The following RUFY2 variants were observed in gnomAD, a reference collection of about 807,000 sequenced individuals.
RUFY2 encodes the protein RUN and FYVE domain containing 2.
In RUFY2, 49 loss-of-function variants were observed where a neutral mutation model predicts 94.4. The ratio of observed to expected loss-of-function variants is 0.52; its 90% CI spans 0.41 to 0.66. The LOEUF is 0.66. Ranked by LOEUF, RUFY2 falls within the 30% of genes least tolerant of loss-of-function variation. RUFY2 has a pLI of 0.00. For synonymous variants in RUFY2, 255 were observed against 235.7 expected (o/e 1.08, Z -0.75); for missense variants, 541 against 692.8 (o/e 0.78, Z 2.46).
intron 7 of RUFY2, among the ~76,000 whole-genome samples, chr10:68,387,099 G>A (rs1356646091): frequency 2.0e-5 from 3 of 151,986 alleles, no homozygotes; most frequent in East Asian, 1.9e-4. Context: ...GCTCACACCT[G>A]TAATCCCGGC....
Position 68,358,964 on chromosome 10 carries a change from G to T in RUFY2, c.1551-3563C>A, listed in dbSNP as rs184564519. Among the ~76,000 whole-genome samples, 39 of 152,258 alleles carry T rather than the reference G, an allele frequency of 2.6e-4. 1 individual carries two copies. The East Asian group carries it at 2.7e-3, about 11-fold the overall frequency. On this transcript the variant is annotated intron_variant, in intron 15 of 17. Transcript: ENST00000602465. ...AATTTACTGGTATTGATAGATTTTTGATTTAAATGCTCTTATTCATAAATA... is the reference window on the plus strand; with the variant it reads ...AATTTACTGGTATTGATAGATTTTTTATTTAAATGCTCTTATTCATAAATA...
intron 1 of RUFY2, 162 bp downstream of exon 1, chr10:68,407,024 G>C: frequency 6.7e-7 from 1 of 1,487,234 alleles, no homozygotes. Flanking sequence ...GACGACCCCG[G>C]GAGCCCCCGA....
intron 13 of RUFY2, among the ~76,000 whole-genome samples, chr10:68,369,319 T>C (rs1179221467): frequency 6.6e-6 from 1 of 151,764 alleles, no homozygotes; most frequent in East Asian, 1.9e-4. Context: ...ACCTCATCTC[T>C]ACAAAAAATA....
chr10:68,346,010 T>C lies in RUFY2; in HGVS notation c.1674A>G (p.Arg558=), dbSNP rs201305394. The C allele has an allele frequency of 2.4e-5, 38 of 1,613,604 alleles. No homozygotes were observed. The East Asian group carries it at 8.0e-4, about 34-fold the overall frequency. ...ACTCACTTCTTATCTCCCTTACCTT[T>C]CTCTTAGAGAGTGAGAATTCCTTTT... The part of the protein sequence containing the change: ...LCEKEFSLSK[R]KHHCRNCGEI... Residue 558 remains arginine, a synonymous_variant, in exon 17 of 18, where the codon AGA becomes AGG. Coordinates refer to ENST00000602465, the MANE Select transcript of RUFY2 (RefSeq NM_001330103.2).
chr10:68,393,320 T>TA (rs1337095448), intron 6 of RUFY2, 117 bp from the exon 7 acceptor site: 1 of 550,812 alleles, frequency 1.8e-6, no homozygotes, highest in African/African-American at 1.9e-5. Flanking sequence ...GTCTTGCCTT[T>TA]AAAATAAAAC....
intron 13 of RUFY2, among the ~76,000 whole-genome samples, chr10:68,370,127 T>G (rs2048154651): frequency 6.6e-6 from 1 of 151,682 alleles, no homozygotes; most frequent in Non-Finnish European, 1.5e-5. Context: ...CTACAAAAAA[T>G]ACAAAAAATT....
At chr10:68,355,925 A>AC (rs2047025178) in intron 15 of RUFY2, among the ~76,000 whole-genome samples, 1 of 151,872 alleles carries the variant, frequency 6.6e-6, no homozygotes, top group African/African-American at 2.4e-5. Flanking sequence ...AAAAAAAAAA[A>AC]AAAGAAAAAA....
intron 1 of RUFY2, chr10:68,406,914 G>C (rs1297884895): frequency 6.4e-7 from 1 of 1,570,164 alleles, no homozygotes. Flanking sequence ...GCCTGGCCCT[G>C]TCCTCGCTCC....
In RUFY2 at chr10:68,345,530, T is replaced by G; in HGVS notation, c.*238A>C. The G allele has an allele frequency of 2.1e-6, 1 of 474,248 alleles. No homozygotes were observed. Among genetic ancestry groups the G allele is most frequent in the East Asian group, 3.3e-5 (1 of 30,630 alleles). 29.4% of individuals were successfully genotyped at this position (474,248 alleles called of 1,614,324 possible). On this transcript the variant is annotated 3_prime_UTR_variant, in exon 18 of 18. Coordinates refer to ENST00000602465, the MANE Select transcript of RUFY2 (RefSeq NM_001330103.2). ...AAGGCAAGTTGTGTTAGCTCTGCTCTCTGGCCTTTTAATGAGTTACATGAT... is the reference window on the plus strand; with the variant it reads ...AAGGCAAGTTGTGTTAGCTCTGCTCGCTGGCCTTTTAATGAGTTACATGAT...
chr10:68,369,692 C>A (rs1196819816), intron 13 of RUFY2, among the ~76,000 whole-genome samples: 2 of 152,022 alleles, frequency 1.3e-5, no homozygotes, highest in African/African-American at 4.8e-5. Context: ...GAGGCCAAGG[C>A]AGGAGGATCA....
intron 10 of RUFY2, 147 bp downstream of exon 10, chr10:68,383,651 G>A: frequency 3.0e-6 from 2 of 673,990 alleles, no homozygotes; most frequent in South Asian, 3.5e-5. Context: ...TATAGTGGAA[G>A]CTTAGAAAAT....
chr10:68,353,943 G>A (rs117200276), intron 16 of RUFY2, among the ~76,000 whole-genome samples: 5 of 152,122 alleles, frequency 3.3e-5, no homozygotes, highest in African/African-American at 4.8e-5. Context: ...ATATGATGAC[G>A]TTAATATATA....
intron 15 of RUFY2, chr10:68,355,669 C>T (rs571626158): frequency 2.6e-5 from 6 of 233,270 alleles, no homozygotes; most frequent in South Asian, 1.0e-4. Context: ...AATCCCAGCA[C>T]TTTGGGAGGC....
At chr10:68,371,549 G>A (rs368423205) in intron 13 of RUFY2, among the ~76,000 whole-genome samples, 28 of 149,906 alleles carry the variant, frequency 1.9e-4, no homozygotes, top group East Asian at 9.8e-4. Flanking sequence ...CCGAGATCGC[G>A]CCACTGCACT....
At chr10:68,372,366 C>T (rs1374433633) in intron 13 of RUFY2, among the ~76,000 whole-genome samples, 2 of 151,970 alleles carry the variant, frequency 1.3e-5, no homozygotes, top group East Asian at 1.9e-4. Flanking sequence ...CGCCACTACA[C>T]CCCAGCCTGG....
Position 68,348,035 on chromosome 10 carries a change from T to C in RUFY2, c.1600-1951A>G, listed in dbSNP as rs79485941. Among the ~76,000 whole-genome samples the C allele has an allele frequency of 7.1e-3, 1,086 of 152,248 alleles. 13 individuals are homozygous for C. The highest frequency in any genetic ancestry group is 0.025 in the African/African-American group (1,039 of 41,552). ...TCACAGTCTTAATAACTAGCACTTA[T>C]TATACAGCAGAGATAATACAGTATT... On this transcript the variant is annotated intron_variant, in intron 16 of 17. Coordinates refer to ENST00000602465, the MANE Select transcript of RUFY2 (RefSeq NM_001330103.2).
chr10:68,394,955 T>C (rs1285402713), intron 4 of RUFY2, among the ~76,000 whole-genome samples: 5 of 152,004 alleles, frequency 3.3e-5, no homozygotes, highest in African/African-American at 1.2e-4. Context: ...TAAATTTAAA[T>C]GTCTCTATTG....
intron 2 of RUFY2, among the ~76,000 whole-genome samples, chr10:68,403,379 G>A (rs2051014112): frequency 1.3e-5 from 2 of 152,004 alleles, no homozygotes; most frequent in East Asian, 1.9e-4. Flanking sequence ...AGCCTCCTGA[G>A]TAGCTGGGAT....
At chr10:68,374,656 T>C (rs1463963814) in intron 13 of RUFY2, among the ~76,000 whole-genome samples, 1 of 152,208 alleles carries the variant, frequency 6.6e-6, no homozygotes, top group East Asian at 1.9e-4. Flanking sequence ...AACACTTCAA[T>C]AGGTATAAAG....
Sources: gnomAD v4.1 joint callset for allele counts (sites outside exome capture counted in the v4.1 genomes callset) on GRCh38, gnomAD v4.1.1 for gene constraint, MANE v1.5 for transcripts, NCBI Gene and HGNC (gene_info 2026-07-23, HGNC 2026-07-21) for gene names.